Variants in HCK observed in about 807,000 individuals in gnomAD.
HCK encodes HCK proto-oncogene, Src family tyrosine kinase, also known as tyrosine-protein kinase HCK.
Under a neutral mutation model 70.4 loss-of-function variants are expected in HCK, and 40 were observed. The ratio of observed to expected loss-of-function variants is 0.57; its 90% CI spans 0.44 to 0.74. The LOEUF is 0.74. Ranked by LOEUF, HCK falls within the 30% of genes least tolerant of loss-of-function variation. The pLI is 0.00. For synonymous variants in HCK, 245 were observed against 263.2 expected, an observed-to-expected ratio of 0.93 and a Z score of 0.67; for missense variants, 568 against 697.2, an observed-to-expected ratio of 0.81 and a Z score of 2.09.
Position 32,101,635 on chromosome 20 carries a change from A to T in HCK, c.*116A>T. Reference sequence around the variant, plus strand: ...ACTCCCAGACACCCACCCTCGCTTCAGCCACAGTTTCCTCATCTGTCCAGT... The same window carrying T: ...ACTCCCAGACACCCACCCTCGCTTCTGCCACAGTTTCCTCATCTGTCCAGT... On this transcript the variant is annotated 3_prime_UTR_variant, in exon 13 of 13. Transcript: ENST00000375852. 1.2e-6 allele frequency: 1 copy of T among 801,376 alleles called. No individual in the cohort carries two copies. Among genetic ancestry groups the T allele is most frequent in the Non-Finnish European group, 2.0e-6 (1 of 505,460 alleles). The allele number at this position is 801,376 out of a possible 1,614,324, so 49.6% of individuals were successfully genotyped here.
chr20:32,101,456 C>T lies in HCK; in HGVS notation c.1518C>T (p.Tyr506=), dbSNP rs1427576526. Reference sequence around the variant, plus strand: ...CGGAGGAGCGGCCGACCTTCGAATACATCCAGAGTGTGCTGGATGACTTCT... The same window carrying T: ...CGGAGGAGCGGCCGACCTTCGAATATATCCAGAGTGTGCTGGATGACTTCT... The change falls in exon 13 of 13, where the codon TAC becomes TAT. Residue 506 remains tyrosine, a synonymous_variant. Coordinates refer to ENST00000375852, the MANE Select transcript of HCK (RefSeq NM_002110.5). The T allele has an allele frequency of 1.2e-6, 2 of 1,614,080 alleles. No individual in the cohort carries two copies. The highest frequency in any genetic ancestry group is 2.2e-5 in the South Asian group (2 of 91,052).
At chr20:32,061,592 G>A (rs761525114) in intron 1 of HCK, among the ~76,000 whole-genome samples, 1 of 152,252 alleles carries the variant, frequency 6.6e-6, no homozygotes, top group African/African-American at 2.4e-5. Context: ...TTGGGGGGCA[G>A]AGGATCCTGT....
At chr20:32,067,972 T>C (rs2045484049) in intron 1 of HCK, among the ~76,000 whole-genome samples, 1 of 152,162 alleles carries the variant, frequency 6.6e-6, no homozygotes, top group Non-Finnish European at 1.5e-5. Flanking sequence ...TCTTTTTACT[T>C]TAAGAAACCT....
At chr20:32,091,329 T>C (rs2045860894) in intron 10 of HCK, among the ~76,000 whole-genome samples, 1 of 152,204 alleles carries the variant, frequency 6.6e-6, no homozygotes. Context: ...AGCAGCGCTT[T>C]TGGAGCTCCA....
intron 11 of HCK, among the ~76,000 whole-genome samples, chr20:32,094,811 A>AAG (rs767689694): frequency 3.6e-4 from 44 of 121,994 alleles, no homozygotes; most frequent in African/African-American, 1.1e-3. Flanking sequence ...GAAAGAAAGA[A>AAG]AGAAAGAAAG....
In HCK at chr20:32,052,344, C is replaced by G; in HGVS notation, c.-81C>G. On this transcript the variant is annotated 5_prime_UTR_variant, in exon 1 of 13. Transcript: ENST00000375852. Reference sequence around the variant, plus strand: ...GAGAAACGCCCGCGGCACCAAAGCCCCTCAGAGCGTCGCCCCCGCCTCTAG... The same window carrying G: ...GAGAAACGCCCGCGGCACCAAAGCCGCTCAGAGCGTCGCCCCCGCCTCTAG... 7.6e-6 allele frequency: 8 copies of G among 1,047,270 alleles called. No individual in the cohort carries two copies. Among genetic ancestry groups the G allele is most frequent in the Non-Finnish European group, 1.0e-5 (8 of 795,810 alleles). The allele number at this position is 1,047,270 out of a possible 1,614,324, so 64.9% of individuals were successfully genotyped here. A position where few individuals can be genotyped will look rare whatever the true frequency, so the allele number is the denominator to read the frequency against.
chr20:32,060,921 G>A (rs2045360374), intron 1 of HCK, among the ~76,000 whole-genome samples: 1 of 150,214 alleles, frequency 6.7e-6, no homozygotes, highest in Admixed American at 6.6e-5. Context: ...AAGAAGAAAG[G>A]AATAAAAGGA....
chr20:32,071,840 C>A, intron 2 of HCK, 58 bp downstream of exon 2: 2 of 1,581,194 alleles, frequency 1.3e-6, no homozygotes, highest in Non-Finnish European at 1.7e-6. Context: ...CCAACATTGC[C>A]CTAACAGCCT....
intron 6 of HCK, among the ~76,000 whole-genome samples, chr20:32,081,675 T>C (rs960182388): frequency 6.6e-6 from 1 of 152,188 alleles, no homozygotes; most frequent in Non-Finnish European, 1.5e-5. Flanking sequence ...AGTGAATGCC[T>C]GGGCTTTGTC....
chr20:32,056,497 C>A (rs1337933279), intron 1 of HCK, among the ~76,000 whole-genome samples: 1 of 149,982 alleles, frequency 6.7e-6, no homozygotes, highest in Non-Finnish European at 1.5e-5. Flanking sequence ...GCCTGGGCGA[C>A]AGAGCGAGAC....
chr20:32,083,245 G>A lies in HCK; in HGVS notation c.533-649G>A, dbSNP rs151257501. Among the ~76,000 whole-genome samples the A allele has an allele frequency of 2.3e-4, 35 of 152,168 alleles. 1 individual carries two copies. Among genetic ancestry groups the A allele is most frequent in the African/African-American group, 5.3e-4 (22 of 41,520 alleles). ...CTGGATCATCTGGAATAATCTCCCCGTCTCCAGATCCTTAACTTAATCACA... is the reference window on the plus strand; with the variant it reads ...CTGGATCATCTGGAATAATCTCCCCATCTCCAGATCCTTAACTTAATCACA... On this transcript the variant is annotated intron_variant, in intron 6 of 12. Coordinates refer to ENST00000375852, the MANE Select transcript of HCK (RefSeq NM_002110.5).
intron 1 of HCK, among the ~76,000 whole-genome samples, chr20:32,063,992 C>CTTTTTT (rs58620860): frequency 3.7e-5 from 2 of 54,210 alleles, no homozygotes; most frequent in African/African-American, 7.9e-5. Context: ...ATCTCTACTT[C>CTTTTTT]TTTTTTTTTT....
chr20:32,055,552 A>T (rs759676096), intron 1 of HCK, among the ~76,000 whole-genome samples: 2 of 152,130 alleles, frequency 1.3e-5, no homozygotes, highest in Non-Finnish European at 2.9e-5. Flanking sequence ...ATGTTCTTAA[A>T]TTTTTAGTGG....
At chr20:32,076,416 G>A (rs1338445688) in intron 5 of HCK, among the ~76,000 whole-genome samples, 1 of 152,146 alleles carries the variant, frequency 6.6e-6, no homozygotes. Flanking sequence ...GCTTTGCCCT[G>A]GGTCATCCCA....
At chr20:32,057,817 A>C (rs549532781) in intron 1 of HCK, among the ~76,000 whole-genome samples, 84 of 152,098 alleles carry the variant, frequency 5.5e-4, no homozygotes, top group African/African-American at 1.8e-3. Flanking sequence ...GTTGGTCCCC[A>C]CCCCATTTCT....
chr20:32,080,383 G>C (rs2045692711), intron 6 of HCK, among the ~76,000 whole-genome samples: 1 of 152,044 alleles, frequency 6.6e-6, no homozygotes, highest in Middle Eastern at 3.2e-3. Context: ...ATTTTTAGTA[G>C]AGACAGGGTT....
At chr20:32,063,330 G>A (rs2045407909) in intron 1 of HCK, among the ~76,000 whole-genome samples, 1 of 152,100 alleles carries the variant, frequency 6.6e-6, no homozygotes. Context: ...ACAACTCATT[G>A]TAGCCTCAAC....
intron 1 of HCK, among the ~76,000 whole-genome samples, chr20:32,059,564 G>A (rs185418864): frequency 9.3e-5 from 14 of 150,794 alleles, no homozygotes; most frequent in African/African-American, 3.2e-4. Context: ...CTCCCAGGCT[G>A]GAGTGCAGTG....
chr20:32,075,442 ATCT>A (rs1035898120), intron 5 of HCK, among the ~76,000 whole-genome samples: 2 of 151,990 alleles, frequency 1.3e-5, no homozygotes, highest in African/African-American at 4.8e-5. Flanking sequence ...GGCTCAAGTG[ATCT>A]TCTCGCCTCA....
Sources: gnomAD v4.1 joint callset for allele counts (sites outside exome capture counted in the v4.1 genomes callset) on GRCh38, gnomAD v4.1.1 for gene constraint, MANE v1.5 for transcripts, NCBI Gene and HGNC (gene_info 2026-07-23, HGNC 2026-07-21) for gene names.